CTNNA3: variants seen among roughly 807,000 people sequenced by gnomAD.
CTNNA3 encodes catenin alpha 3.
A neutral mutation model predicts 95.7 loss-of-function variants in CTNNA3; 76 were observed. The observed-to-expected ratio is 0.79, with a 90% CI of 0.66 to 0.96. The LOEUF is 0.96. Among genes scored for constraint, CTNNA3 ranks in the 40% least tolerant of loss-of-function variants. CTNNA3 has a pLI of 0.00. For synonymous variants in CTNNA3, 431 were observed against 374.4 expected (o/e 1.15, Z -1.74); for missense variants, 1,191 against 1,089.8 (o/e 1.09, Z -1.31).
chr10:66,210,093 G>T (rs145804288), intron 13 of CTNNA3, among the ~76,000 whole-genome samples: 1 of 151,824 alleles, frequency 6.6e-6, no homozygotes, highest in Admixed American at 6.6e-5. Flanking sequence ...AATACCCAGG[G>T]TGGGTTAATT....
chr10:66,977,286 A>G (rs949749180), intron 7 of CTNNA3, among the ~76,000 whole-genome samples: 1 of 152,148 alleles, frequency 6.6e-6, no homozygotes, highest in African/African-American at 2.4e-5. Flanking sequence ...AAAACAAAAA[A>G]TTAGCTGGGT....
intron 10 of CTNNA3, among the ~76,000 whole-genome samples, chr10:66,581,245 C>G (rs919834094): frequency 6.6e-6 from 1 of 151,714 alleles, no homozygotes; most frequent in African/African-American, 2.4e-5. Context: ...CATTCCTTTT[C>G]TTTTGGGTAG....
At chr10:67,151,735 A>G (rs1459431376) in intron 7 of CTNNA3, among the ~76,000 whole-genome samples, 1 of 152,252 alleles carries the variant, frequency 6.6e-6, no homozygotes, top group Non-Finnish European at 1.5e-5. Context: ...TCTGCAGAGC[A>G]GCATCCATAT....
chr10:66,169,398 T>C (rs1418679267), intron 13 of CTNNA3, among the ~76,000 whole-genome samples: 1 of 152,064 alleles, frequency 6.6e-6, no homozygotes, highest in East Asian at 1.9e-4. Context: ...TTGTATATAA[T>C]AGTTTCTTTA....
At chr10:66,055,122 T>C (rs762360841) in intron 15 of CTNNA3, among the ~76,000 whole-genome samples, 1 of 152,194 alleles carries the variant, frequency 6.6e-6, no homozygotes, top group Admixed American at 6.5e-5. Context: ...TGGGGTACTA[T>C]AGCTTTGTAG....
intron 5 of CTNNA3, among the ~76,000 whole-genome samples, chr10:67,425,263 T>G (rs1845880793): frequency 6.6e-6 from 1 of 152,134 alleles, no homozygotes; most frequent in African/African-American, 2.4e-5. Context: ...CATACCCAAA[T>G]GGATGAGATA....
At chr10:67,230,859 C>G (rs75665291) in intron 5 of CTNNA3, among the ~76,000 whole-genome samples, 32 of 152,294 alleles carry the variant, frequency 2.1e-4, no homozygotes, top group Middle Eastern at 3.4e-3. Context: ...TTGCCTCACT[C>G]GGGAAGCGCA....
chr10:67,305,042 C>T (rs557881584), intron 5 of CTNNA3, among the ~76,000 whole-genome samples: 18 of 151,964 alleles, frequency 1.2e-4, no homozygotes, highest in Non-Finnish European at 2.2e-4. Context: ...TTTGGGAGGC[C>T]GAGGTGGGCG....
intron 7 of CTNNA3, among the ~76,000 whole-genome samples, chr10:67,140,835 G>A (rs975033914): frequency 3.3e-5 from 5 of 152,090 alleles, no homozygotes; most frequent in Non-Finnish European, 7.4e-5. Context: ...GCCTTCAAAC[G>A]GCCACCACAG....
At chr10:67,225,276 C>T (rs1554808154) in intron 5 of CTNNA3, among the ~76,000 whole-genome samples, 1 of 152,160 alleles carries the variant, frequency 6.6e-6, no homozygotes, top group Non-Finnish European at 1.5e-5. Flanking sequence ...ATTTGATGGT[C>T]CTTCCCTATC....
chr10:66,837,250 C>G (rs1324401218), intron 7 of CTNNA3, among the ~76,000 whole-genome samples: 1 of 152,098 alleles, frequency 6.6e-6, no homozygotes, highest in Non-Finnish European at 1.5e-5. Flanking sequence ...CCATCACAAG[C>G]CTTTTGGCAA....
intron 7 of CTNNA3, among the ~76,000 whole-genome samples, chr10:66,930,056 A>AT (rs372950376): frequency 2.8e-4 from 43 of 151,602 alleles, no homozygotes; most frequent in African/African-American, 7.5e-4. Flanking sequence ...ATTTTTACTA[A>AT]TTTTTTTTTA....
In CTNNA3 at chr10:67,396,264, T is replaced by G. The variant is rs370699497; in HGVS notation, c.579+125578A>C. On this transcript the variant is annotated intron_variant, in intron 5 of 17. Transcript: ENST00000433211. ...GAAAAATAGGATTATATGTTTAAAC[T>G]TATAATTTATTTGATGATGACACTA... Among the ~76,000 whole-genome samples the G allele has an allele frequency of 3.9e-5, 6 of 152,188 alleles. No individual in the cohort carries two copies. The East Asian group carries it at 1.2e-3, about 29-fold the overall frequency.
At chr10:67,139,171 C>T (rs1309187622) in intron 7 of CTNNA3, among the ~76,000 whole-genome samples, 3 of 152,092 alleles carry the variant, frequency 2.0e-5, no homozygotes, top group South Asian at 4.2e-4. Context: ...CTCGCTCTGT[C>T]GCCCAGACTG....
intron 5 of CTNNA3, among the ~76,000 whole-genome samples, chr10:67,470,832 G>A (rs1211370117): frequency 6.6e-6 from 1 of 152,118 alleles, no homozygotes; most frequent in African/African-American, 2.4e-5. Context: ...CCAGGCTGGA[G>A]TCCAGTGGCA....
At chr10:67,555,965 G>C (rs181489661) in intron 3 of CTNNA3, among the ~76,000 whole-genome samples, 2 of 152,238 alleles carry the variant, frequency 1.3e-5, no homozygotes, top group Admixed American at 6.5e-5. Flanking sequence ...TAGCATGAAG[G>C]GTTGTTGAAT....
intron 11 of CTNNA3, among the ~76,000 whole-genome samples, chr10:66,380,273 C>A (rs1265738593): frequency 6.6e-6 from 1 of 151,810 alleles, no homozygotes; most frequent in Non-Finnish European, 1.5e-5. Context: ...GACAATTATT[C>A]TTCAGTTTTC....
intron 11 of CTNNA3, among the ~76,000 whole-genome samples, chr10:66,484,570 A>T (rs1303413393): frequency 6.6e-6 from 1 of 152,078 alleles, no homozygotes; most frequent in East Asian, 1.9e-4. Flanking sequence ...GCAATCAGAA[A>T]ACATGGGATT....
At chr10:66,817,090 A>G (rs1015381905) in intron 7 of CTNNA3, among the ~76,000 whole-genome samples, 1 of 152,010 alleles carries the variant, frequency 6.6e-6, no homozygotes, top group Non-Finnish European at 1.5e-5. Context: ...TCATATCAAT[A>G]ACAGAAGATT....
Sources: allele counts gnomAD v4.1 joint callset (sites outside exome capture counted in the v4.1 genomes callset), GRCh38; gene constraint gnomAD v4.1.1; transcripts MANE v1.5; gene names NCBI Gene and HGNC (gene_info 2026-07-23, HGNC 2026-07-21).